Variants in KSR2 observed in about 807,000 individuals in gnomAD.
The protein encoded by KSR2 is kinase suppressor of ras 2.
KSR2 carries 25 observed loss-of-function variants against 107.8 expected under a neutral mutation model. The observed-to-expected ratio is 0.23, with a 90% CI of 0.17 to 0.32. The LOEUF (loss-of-function observed/expected upper bound fraction) is 0.32, where lower values mean the gene tolerates loss of function less well. KSR2 is among the 10% of genes least tolerant of loss of function. The probability of loss-of-function intolerance (pLI) is 1.00; values close to 1 mark genes in which losing one functional copy is unlikely to be tolerated. For missense variants in KSR2, 887 were observed against 1,268.9 expected, an observed-to-expected ratio of 0.70 and a Z score of 4.57; for synonymous variants, 480 against 507.0, an observed-to-expected ratio of 0.95 and a Z score of 0.71.
chr12:117,657,780 T>G (rs1884248045), intron 5 of KSR2, among the ~76,000 whole-genome samples: 1 of 152,218 alleles, frequency 6.6e-6, no homozygotes, highest in Admixed American at 6.5e-5. Context: ...TCAAAAATGT[T>G]CGTTGCTATC....
intron 1 of KSR2, among the ~76,000 whole-genome samples, chr12:117,864,331 A>T (rs929329840): frequency 6.6e-6 from 1 of 152,238 alleles, no homozygotes; most frequent in Admixed American, 6.5e-5. Flanking sequence ...GTGGGATAGG[A>T]AAAGCTAGAC....
At chr12:117,650,883 T>C (rs1187084486) in intron 5 of KSR2, among the ~76,000 whole-genome samples, 1 of 152,192 alleles carries the variant, frequency 6.6e-6, no homozygotes, top group Non-Finnish European at 1.5e-5. Context: ...GTGAGTCTTA[T>C]CTCCTGTAGA....
Position 117,902,295 on chromosome 12 carries a change from T to C in KSR2, c.181-41864A>G, listed in dbSNP as rs1270839363. On this transcript the variant is annotated intron_variant, in intron 1 of 19. Coordinates refer to ENST00000339824, the MANE Select transcript of KSR2 (RefSeq NM_173598.6). The stretch of plus-strand genomic sequence containing the variant: ...CCAACATGGTGAAACCCCGTCTCTA[T>C]AAATTTGCAAAAATTAGCTGGGCGT... Among the ~76,000 whole-genome samples the C allele has an allele frequency of 2.6e-5, 4 of 152,032 alleles. 1 individual carries two copies. The highest frequency in any genetic ancestry group is 2.9e-5 in the Non-Finnish European group (2 of 67,960).
chr12:117,942,747 G>A (rs1280591129), intron 1 of KSR2, among the ~76,000 whole-genome samples: 12 of 151,070 alleles, frequency 7.9e-5, no homozygotes, highest in Admixed American at 7.3e-4. Context: ...CAATCCTTCC[G>A]CCTTGGCCTT....
At chr12:117,838,211 G>A (rs182977756) in intron 3 of KSR2, among the ~76,000 whole-genome samples, 106 of 152,334 alleles carry the variant, frequency 7.0e-4, no homozygotes, top group Admixed American at 2.6e-3. Flanking sequence ...ACTGTCACCC[G>A]GGCTGGAATG....
chr12:117,667,909 C>A (rs1252234616), intron 4 of KSR2, among the ~76,000 whole-genome samples: 1 of 152,042 alleles, frequency 6.6e-6, no homozygotes. Context: ...TCTTTTTTGC[C>A]CAGCTCCCTA....
intron 14 of KSR2, among the ~76,000 whole-genome samples, chr12:117,489,885 A>G (rs936257850): frequency 8.5e-5 from 13 of 152,190 alleles, no homozygotes; most frequent in African/African-American, 3.1e-4. Flanking sequence ...TGTCCACAGC[A>G]ACTGCTCTGA....
intron 3 of KSR2, among the ~76,000 whole-genome samples, chr12:117,795,488 A>G (rs1176717126): frequency 6.6e-6 from 1 of 152,100 alleles, no homozygotes; most frequent in Non-Finnish European, 1.5e-5. Flanking sequence ...GGACACCAAG[A>G]CCCTCTGGAA....
chr12:117,585,646 GA>G (rs1232764680), intron 5 of KSR2, among the ~76,000 whole-genome samples: 2 of 151,584 alleles, frequency 1.3e-5, no homozygotes, highest in African/African-American at 4.8e-5. Flanking sequence ...AAGGGAAGGG[GA>G]AAAAATATAT....
intron 7 of KSR2, among the ~76,000 whole-genome samples, chr12:117,564,164 GC>G (rs1328805984): frequency 6.6e-6 from 1 of 152,194 alleles, no homozygotes; most frequent in Non-Finnish European, 1.5e-5. Flanking sequence ...ACAACAGACT[GC>G]CCCCAGTAAC....
rs566737837 is a variant in KSR2 at position 117,791,957 on chromosome 12, G to A, written c.473-30433C>T. ...TTGCACAGCACTATGCCCACAATGAGTGCCCACTGCATAAATACATGGAGC... is the reference window on the plus strand; with the variant it reads ...TTGCACAGCACTATGCCCACAATGAATGCCCACTGCATAAATACATGGAGC... On this transcript the variant is annotated intron_variant, in intron 3 of 19. Coordinates refer to ENST00000339824, the MANE Select transcript of KSR2 (RefSeq NM_173598.6). Among the ~76,000 whole-genome samples the A allele has an allele frequency of 2.0e-5, 3 of 152,260 alleles. No individual in the cohort carries two copies. In the East Asian group the frequency reaches 5.8e-4, roughly 29 times the overall value.
At chr12:117,770,448 C>A (rs1347646664) in intron 3 of KSR2, among the ~76,000 whole-genome samples, 2 of 151,940 alleles carry the variant, frequency 1.3e-5, no homozygotes, top group African/African-American at 2.4e-5. Context: ...CTGCCAACAC[C>A]CGATTTCAGA....
chr12:117,485,056 A>G (rs1872386461), intron 15 of KSR2, among the ~76,000 whole-genome samples: 1 of 152,106 alleles, frequency 6.6e-6, no homozygotes, highest in Non-Finnish European at 1.5e-5. Flanking sequence ...TTTCTTTTTT[A>G]TTGCCTTTGT....
At chr12:117,598,521 G>C (rs1466640232) in intron 5 of KSR2, among the ~76,000 whole-genome samples, 1 of 152,160 alleles carries the variant, frequency 6.6e-6, no homozygotes, top group Non-Finnish European at 1.5e-5. Context: ...TCTACTTTTA[G>C]TTCTTTAAGG....
intron 4 of KSR2, among the ~76,000 whole-genome samples, chr12:117,707,023 T>C (rs560358200): frequency 1.3e-5 from 2 of 152,370 alleles, no homozygotes; most frequent in Admixed American, 6.5e-5. Flanking sequence ...TATGTGTATG[T>C]ATATTTGTGT....
intron 3 of KSR2, among the ~76,000 whole-genome samples, chr12:117,793,346 C>G (rs955697149): frequency 3.0e-4 from 43 of 145,390 alleles, no homozygotes; most frequent in African/African-American, 1.1e-3. Flanking sequence ...TACACACCAG[C>G]ATGCACACAC....
chr12:117,675,847 T>G (rs1310374041), intron 4 of KSR2, among the ~76,000 whole-genome samples: 1 of 152,218 alleles, frequency 6.6e-6, no homozygotes, highest in Non-Finnish European at 1.5e-5. Flanking sequence ...CTCACAAGCC[T>G]GCTTTGAGGA....
At chr12:117,469,920 T>C (rs1871336204) in intron 18 of KSR2, 125 bp from the exon 19 acceptor site, 1 of 904,220 alleles carries the variant, frequency 1.1e-6, no homozygotes. Context: ...CCATCATCCA[T>C]TCATCCATCC....
chr12:117,601,569 A>T (rs542657215), intron 5 of KSR2, among the ~76,000 whole-genome samples: 8 of 152,164 alleles, frequency 5.3e-5, no homozygotes, highest in Non-Finnish European at 1.0e-4. Flanking sequence ...GGAGTGAAGC[A>T]TCTACAAGCC....
Sources: allele counts gnomAD v4.1 joint callset (sites outside exome capture counted in the v4.1 genomes callset), GRCh38; gene constraint gnomAD v4.1.1; transcripts MANE v1.5; gene names NCBI Gene and HGNC (gene_info 2026-07-23, HGNC 2026-07-21).